Variants in CPOX observed in about 807,000 individuals in gnomAD.
CPOX encodes oxygen-dependent coproporphyrinogen-III oxidase, mitochondrial.
A neutral mutation model predicts 48.9 loss-of-function variants in CPOX; 24 were observed. That is an observed-to-expected ratio of 0.49 (90% CI 0.36 to 0.69). The LOEUF (loss-of-function observed/expected upper bound fraction) is 0.69, where lower values mean the gene tolerates loss of function less well. Ranked by LOEUF, CPOX falls within the 30% of genes least tolerant of loss-of-function variation. The pLI, the probability that CPOX is intolerant of heterozygous loss-of-function variation, is 0.00. For missense variants in CPOX, 549 were observed against 597.3 expected (o/e 0.92, Z 0.84); for synonymous variants, 249 against 234.6 (o/e 1.06, Z -0.56).
At position 98,593,129 on chromosome 3, in the gene CPOX, G is replaced by A. The variant is rs752184094; in HGVS notation, c.376C>T (p.Arg126Cys). 5 of 1,613,192 alleles carry A rather than the reference G, an allele frequency of 3.1e-6. No individual in the cohort carries two copies. Among genetic ancestry groups the A allele is most frequent in the African/African-American group, 1.3e-5 (1 of 74,914 alleles). The change falls in exon 1 of 7, where the codon CGC becomes TGC. Residue 126 changes from arginine (R) to cysteine (C), a missense_variant. Coordinates refer to ENST00000647941, the MANE Select transcript of CPOX (RefSeq NM_000097.7). ...GGCGGGGCCATGAAGCTGCTGCAGC[G>A]GTGGGCCAGCTCATCCTCCTCCTCC... The part of the protein sequence containing the change: ...PEEEEDELAH[R>C]CSSFMAPPVT...
At chr3:98,589,062 G>A (rs1707423867) in intron 3 of CPOX, among the ~76,000 whole-genome samples, 1 of 152,242 alleles carries the variant, frequency 6.6e-6, no homozygotes, top group Non-Finnish European at 1.5e-5. Flanking sequence ...GCTCATGCCT[G>A]TAATCCCAGC....
At position 98,581,441 on chromosome 3, in the gene CPOX, C is replaced by A; in HGVS notation, c.1243G>T (p.Glu415Ter). ...AGAGGTAAAGACATCAAGATACTTT[C>A]AATTCTGGATCCTGGAGTGAAGAGG... ...FGLFTPGSRI[E>*]SILMSLPLTA... Residue 415 changes from glutamate to a stop codon, truncating the protein, a stop_gained, in exon 6 of 7, where the codon GAA becomes TAA. Coordinates refer to ENST00000647941, the MANE Select transcript of CPOX (RefSeq NM_000097.7). LOFTEE classifies it high-confidence loss of function. The A allele has an allele frequency of 6.2e-7, 1 of 1,613,946 alleles. No individual in the cohort carries two copies. Among genetic ancestry groups the A allele is most frequent in the Non-Finnish European group, 8.5e-7 (1 of 1,179,910 alleles).
intron 4 of CPOX, among the ~76,000 whole-genome samples, chr3:98,586,946 AAAACAAAC>A (rs3834792): frequency 0.017 from 2,561 of 152,064 alleles, 75 homozygotes; most frequent in African/African-American, 0.057. Flanking sequence ...TCCATCTCAA[AAAACAAAC>A]AAACAAACAA....
In CPOX at chr3:98,585,633, T is replaced by C. The variant is rs587777271; in HGVS notation, c.980A>G (p.His327Arg). ...KWCDDYFFIA[H>R]RGERRGIGGI... ...ACCAATGCCCCGCCGTTCTCCACGA[T>C]GGGCTATAAAGAAGTAATCATCACA... Residue 327 changes from histidine (H) to arginine (R), a missense_variant, in exon 5 of 7, where the codon CAT (histidine) becomes CGT (arginine). Transcript: ENST00000647941. 6.2e-7 allele frequency: 1 copy of C among 1,613,950 alleles called. No homozygotes were observed. The highest frequency in any genetic ancestry group is 8.5e-7 in the Non-Finnish European group (1 of 1,179,900).
rs879518514 is a variant in CPOX at position 98,593,586 on chromosome 3, A to G, written c.-82T>C. 2.0e-5 allele frequency: 28 copies of G among 1,378,374 alleles called. No homozygotes were observed. The highest frequency in any genetic ancestry group is 2.6e-5 in the Non-Finnish European group (27 of 1,030,550). 85.4% of individuals were successfully genotyped at this position (1,378,374 alleles called of 1,614,324 possible). A position where few individuals can be genotyped will look rare whatever the true frequency, so the allele number is the denominator to read the frequency against. On this transcript the variant is annotated 5_prime_UTR_variant, in exon 1 of 7. Coordinates refer to ENST00000647941, the MANE Select transcript of CPOX (RefSeq NM_000097.7). ...CCCCACCCAGACCCCCGGAGTATTG[A>G]GCCGGCGAGCTGCACAGGCGGAAAG...
Position 98,579,711 on chromosome 3 carries a change from A to C in CPOX, c.*972T>G, listed in dbSNP as rs901922133. The C allele has an allele frequency of 1.6e-5, 16 of 985,326 alleles. No homozygotes were observed. Among genetic ancestry groups the C allele is most frequent in the Non-Finnish European group, 1.8e-5 (15 of 829,794 alleles). The allele number at this position is 985,326 out of a possible 1,614,324, so 61.0% of individuals were successfully genotyped here. ...AGAGCAAAGAGCTGCAGAATCTCTAATATAAAAAAGAGGACATTTTCAATG... is the reference window on the plus strand; with the variant it reads ...AGAGCAAAGAGCTGCAGAATCTCTACTATAAAAAAGAGGACATTTTCAATG... On this transcript the variant is annotated 3_prime_UTR_variant, in exon 7 of 7. Transcript: ENST00000647941.
intron 5 of CPOX, among the ~76,000 whole-genome samples, 192 bp from the exon 6 acceptor site, chr3:98,581,703 C>T (rs1707262528): frequency 6.6e-6 from 1 of 152,102 alleles, no homozygotes; most frequent in South Asian, 2.1e-4. Flanking sequence ...GGTATTCTAC[C>T]CACCAAACAA....
the CPOX span, among the ~76,000 whole-genome samples, chr3:98,572,922 G>A: frequency 3.7e-3 from 562 of 152,162 alleles, 4 homozygotes; most frequent in African/African-American, 0.01. Flanking sequence ...CAAAATGTGT[G>A]TATTTGTGAA....
At position 98,579,637 on chromosome 3, in the gene CPOX, T is replaced by C. The variant is rs763864217; in HGVS notation, c.*1046A>G. ...CAAATAAAATAATACATTCATAATA[T>C]ATGAACAAAGAAATCATACATTAAG... On this transcript the variant is annotated 3_prime_UTR_variant, in exon 7 of 7. Transcript: ENST00000647941. The C allele has an allele frequency of 3.0e-4, 295 of 984,104 alleles. No individual in the cohort carries two copies. The highest frequency in any genetic ancestry group is 6.8e-4 in the Admixed American group (11 of 16,282). 61.0% of individuals were successfully genotyped at this position (984,104 alleles called of 1,614,324 possible). A position where few individuals can be genotyped will look rare whatever the true frequency, so the allele number is the denominator to read the frequency against.
chr3:98,581,330 G>A lies in CPOX; in HGVS notation c.1277+77C>T, dbSNP rs2107113741. 4 of 1,030,936 alleles carry A rather than the reference G, an allele frequency of 3.9e-6. No individual in the cohort carries two copies. The South Asian group carries it at 5.1e-5, about 13-fold the overall frequency. The allele number at this position is 1,030,936 out of a possible 1,614,324, so 63.9% of individuals were successfully genotyped here. A position where few individuals can be genotyped will look rare whatever the true frequency, so the allele number is the denominator to read the frequency against. The stretch of plus-strand genomic sequence containing the variant: ...CAAAGACCTAGGCACAACATCTGCA[G>A]TGTTAACTTTCATATTTTGTGGGTG... On this transcript the variant is annotated intron_variant, in intron 6 of 6. Coordinates refer to ENST00000647941, the MANE Select transcript of CPOX (RefSeq NM_000097.7).
intron 2 of CPOX, 112 bp downstream of exon 2, chr3:98,590,900 A>C (rs1398657608): frequency 3.0e-6 from 4 of 1,347,408 alleles, no homozygotes; most frequent in Admixed American, 1.8e-5. Context: ...AACGTGCGGC[A>C]TATGAACCCG....
intron 5 of CPOX, among the ~76,000 whole-genome samples, chr3:98,584,215 T>C (rs1028303654): frequency 5.9e-5 from 9 of 152,220 alleles, no homozygotes; most frequent in African/African-American, 2.2e-4. Flanking sequence ...TTCTAAATTG[T>C]CCTCTTGGGT....
chr3:98,593,599 C>T lies in CPOX; in HGVS notation c.-95G>A. 5 of 1,327,218 alleles carry T rather than the reference C, an allele frequency of 3.8e-6. No homozygotes were observed. Among genetic ancestry groups the T allele is most frequent in the Admixed American group, 2.4e-5 (1 of 41,128 alleles). 82.2% of individuals were successfully genotyped at this position (1,327,218 alleles called of 1,614,324 possible). A position where few individuals can be genotyped will look rare whatever the true frequency, so the allele number is the denominator to read the frequency against. ...CCCGGAGTATTGAGCCGGCGAGCTGCACAGGCGGAAAGAACCTTTCGAGAA... is the reference window on the plus strand; with the variant it reads ...CCCGGAGTATTGAGCCGGCGAGCTGTACAGGCGGAAAGAACCTTTCGAGAA... On this transcript the variant is annotated 5_prime_UTR_variant, in exon 1 of 7. Transcript: ENST00000647941.
the CPOX span, among the ~76,000 whole-genome samples, chr3:98,573,806 T>C: frequency 6.6e-6 from 1 of 152,268 alleles, no homozygotes; most frequent in Non-Finnish European, 1.5e-5. Context: ...ACATAGAGTA[T>C]AGATCATGTT....
chr3:98,580,478 TA>T lies in CPOX; in HGVS notation c.*204del, dbSNP rs1707236405. On this transcript the variant is annotated 3_prime_UTR_variant, in exon 7 of 7. Coordinates refer to ENST00000647941, the MANE Select transcript of CPOX (RefSeq NM_000097.7). Reference sequence around the variant, plus strand: ...TGACACTAGAAGTATAAATGAGGTTTAATCAATTGACTCTGACAATCTGCCA... The same window carrying T: ...TGACACTAGAAGTATAAATGAGGTTTATCAATTGACTCTGACAATCTGCCA... 2.1e-6 allele frequency: 3 copies of T among 1,411,190 alleles called. No homozygotes were observed. The highest frequency in any genetic ancestry group is 2.8e-6 in the Non-Finnish European group (3 of 1,084,098). The allele number at this position is 1,411,190 out of a possible 1,614,324, so 87.4% of individuals were successfully genotyped here.
intron 5 of CPOX, among the ~76,000 whole-genome samples, chr3:98,583,031 CCTGATATTATCTTT>C (rs1323403219): frequency 6.6e-6 from 1 of 152,170 alleles, no homozygotes; most frequent in Non-Finnish European, 1.5e-5. Context: ...ACCTTTTTCA[CCTGATATTATCTTT>C]CTGAAACATC....
downstream of CPOX, among the ~76,000 whole-genome samples, chr3:98,578,533 G>A (rs906834543): frequency 6.6e-6 from 1 of 152,070 alleles, no homozygotes; most frequent in Non-Finnish European, 1.5e-5. Context: ...ATACAGTCTA[G>A]TAACCATCAC....
chr3:98,591,460 A>T (rs1174834328), intron 1 of CPOX, among the ~76,000 whole-genome samples: 1 of 152,244 alleles, frequency 6.6e-6, no homozygotes, highest in East Asian at 1.9e-4. Context: ...GGCATCTATC[A>T]GTTATGATAT....
chr3:98,582,913 C>T (rs1329428077), intron 5 of CPOX, among the ~76,000 whole-genome samples: 1 of 152,146 alleles, frequency 6.6e-6, no homozygotes, highest in Non-Finnish European at 1.5e-5. Context: ...TTGACTTTTA[C>T]GTACAAAAAA....
Sources: gnomAD v4.1 joint callset for allele counts (sites outside exome capture counted in the v4.1 genomes callset) on GRCh38, gnomAD v4.1.1 for gene constraint, MANE v1.5 for transcripts, NCBI Gene and HGNC (gene_info 2026-07-23, HGNC 2026-07-21) for gene names.